ARHGAP35: variants seen among roughly 807,000 people sequenced by gnomAD.
The protein encoded by ARHGAP35 is rho GTPase-activating protein 35.
Under a neutral mutation model 111.1 loss-of-function variants are expected in ARHGAP35, and 15 were observed. That is an observed-to-expected ratio of 0.13 (90% CI 0.09 to 0.21). The LOEUF is 0.21. Among genes scored for constraint, ARHGAP35 ranks in the 10% least tolerant of loss-of-function variants. The probability of loss-of-function intolerance (pLI) is 1.00; values close to 1 mark genes in which losing one functional copy is unlikely to be tolerated. For missense variants in ARHGAP35, 1,262 were observed against 1,873.0 expected (o/e 0.67, Z 6.02); for synonymous variants, 643 against 710.3 (o/e 0.91, Z 1.51).
At chr19:46,897,189 G>A (rs549790139) in intron 1 of ARHGAP35, among the ~76,000 whole-genome samples, 19 of 151,774 alleles carry the variant, frequency 1.3e-4, no homozygotes, top group African/African-American at 3.6e-4. Context: ...GTGAGCCATC[G>A]CGCCCAGCCT....
In ARHGAP35 at chr19:46,908,673, C is replaced by T. The variant is rs1471852070; in HGVS notation, c.-188-9815C>T. Among the ~76,000 whole-genome samples the T allele has an allele frequency of 1.3e-5, 2 of 152,160 alleles. No homozygotes were observed. The highest frequency in any genetic ancestry group is 1.3e-4 in the Admixed American group (2 of 15,274). ...CTTAAGGAAGTACTTTGGCTAAAAG[C>T]GGCTCCCTTTATTCATCAGGGGAAT... On this transcript the variant is annotated intron_variant, in intron 1 of 6. Coordinates refer to ENST00000672722, the MANE Select transcript of ARHGAP35 (RefSeq NM_004491.5). This position sits in a 1 kb window ranked among gnomAD's most constrained non-coding sequence, Gnocchi z 4.2.
At chr19:46,891,259 A>G (rs1383403279) in intron 1 of ARHGAP35, among the ~76,000 whole-genome samples, 1 of 152,160 alleles carries the variant, frequency 6.6e-6, no homozygotes, top group Non-Finnish European at 1.5e-5. Context: ...TAAACCATGG[A>G]GGAATTCCCT....
intron 1 of ARHGAP35, among the ~76,000 whole-genome samples, chr19:46,887,969 T>C (rs527551010): frequency 6.6e-6 from 1 of 150,402 alleles, no homozygotes; most frequent in East Asian, 2.0e-4. Context: ...TTTTTTTTTC[T>C]GAGACGGAGT....
In ARHGAP35 at chr19:46,922,260, C is replaced by T; in HGVS notation, c.3585C>T (p.Ser1195=). The change falls in exon 2 of 7, where the codon TCC becomes TCT. Residue 1195 remains serine (S), a synonymous_variant. Transcript: ENST00000672722. The surrounding 1 kb of genome is among the most constrained non-coding windows in gnomAD (Gnocchi z 4.0). The part of the protein sequence containing the change: ...PIRKKEEDQA[S]QGYKGDNAVI... ...GGAAGAAAGAGGAGGATCAGGCATC[C>T]CAGGGTTATAAAGGGGACAATGCTG... The T allele has an allele frequency of 6.2e-7, 1 of 1,613,882 alleles. No homozygotes were observed. The highest frequency in any genetic ancestry group is 8.5e-7 in the Non-Finnish European group (1 of 1,179,870).
At position 46,999,287 on chromosome 19, in the gene ARHGAP35, G is replaced by A. The variant is rs1192214840; in HGVS notation, c.4037-17G>A. On this transcript the variant is annotated splice_polypyrimidine_tract_variant and intron_variant, in intron 5 of 6. Coordinates refer to ENST00000672722, the MANE Select transcript of ARHGAP35 (RefSeq NM_004491.5). The surrounding 1 kb of genome is among the most constrained non-coding windows in gnomAD (Gnocchi z 5.4). ...CTCGGCCATGAAAGGCAAGGCTTTGGTTTTCTCTCTCCTCAGAAATCAACG... is the reference window on the plus strand; with the variant it reads ...CTCGGCCATGAAAGGCAAGGCTTTGATTTTCTCTCTCCTCAGAAATCAACG... 1.3e-6 allele frequency: 2 copies of A among 1,551,530 alleles called. No homozygotes were observed.
Position 46,920,717 on chromosome 19 carries a change from G to A in ARHGAP35, c.2042G>A (p.Ser681Asn), listed in dbSNP as rs749337132. The A allele has an allele frequency of 3.7e-5, 60 of 1,613,652 alleles. No individual in the cohort carries two copies. The highest frequency in any genetic ancestry group is 8.3e-5 in the Admixed American group (5 of 59,946). The change falls in exon 2 of 7, where the codon AGT becomes AAT. Residue 681 changes from serine (S) to asparagine (N), a missense_variant. Ser to Asn is a conservative substitution (Grantham distance 46, BLOSUM62 1). Transcript: ENST00000672722. The surrounding 1 kb of genome is among the most constrained non-coding windows in gnomAD (Gnocchi z 7.0). ...LSYVVESIEK[S>N]RESTLGRRDN... Reference sequence around the variant, plus strand: ...TATGTAGTGGAAAGTATAGAGAAGAGTAGAGAGTCCACGCTGGGCCGGCGG... The same window carrying A: ...TATGTAGTGGAAAGTATAGAGAAGAATAGAGAGTCCACGCTGGGCCGGCGG...
At chr19:46,960,744 C>T (rs1006955837) in intron 3 of ARHGAP35, among the ~76,000 whole-genome samples, 4 of 152,232 alleles carry the variant, frequency 2.6e-5, no homozygotes, top group Middle Eastern at 3.4e-3. Flanking sequence ...ATATAATGTG[C>T]TGGGCTGCTT....
chr19:46,979,315 A>G (rs2056607350), intron 3 of ARHGAP35, among the ~76,000 whole-genome samples: 1 of 152,036 alleles, frequency 6.6e-6, no homozygotes, highest in Non-Finnish European at 1.5e-5. Flanking sequence ...TCTTGGCAGG[A>G]CGGCTCTCCC....
chr19:47,000,096 G>C lies in ARHGAP35; in HGVS notation c.4143-235G>C, dbSNP rs564747415. On this transcript the variant is annotated intron_variant, in intron 6 of 6. Coordinates refer to ENST00000672722, the MANE Select transcript of ARHGAP35 (RefSeq NM_004491.5). The surrounding 1 kb of genome is among the most constrained non-coding windows in gnomAD (Gnocchi z 6.9). ...GGTCCATCCACCCCCAGGGGTTTGC[G>C]GGGCTCCAGGCAGCCTTTCCGAGGT... Among the ~76,000 whole-genome samples the C allele has an allele frequency of 2.8e-4, 42 of 152,304 alleles. No homozygotes were observed. The highest frequency in any genetic ancestry group is 8.9e-4 in the African/African-American group (37 of 41,562).
rs1294009588 is a variant in ARHGAP35 at position 46,994,544 on chromosome 19, G to A, written c.4037-4760G>A. Among the ~76,000 whole-genome samples, 4 of 152,148 alleles carry A rather than the reference G, an allele frequency of 2.6e-5. No individual in the cohort carries two copies. Among genetic ancestry groups the A allele is most frequent in the Non-Finnish European group, 5.9e-5 (4 of 68,028 alleles). On this transcript the variant is annotated intron_variant, in intron 5 of 6. Transcript: ENST00000672722. This position sits in a 1 kb window ranked among gnomAD's most constrained non-coding sequence, Gnocchi z 5.4. ...GGAGCGGGATAGCCCAGTCAGCACC[G>A]TGCTCAGCAAGTAGCAGCCAGCCAG...
chr19:46,889,750 CAAAAAAA>C (rs5828291), intron 1 of ARHGAP35, among the ~76,000 whole-genome samples: 3 of 85,238 alleles, frequency 3.5e-5, no homozygotes, highest in Non-Finnish European at 6.5e-5. Flanking sequence ...GACTCCGTCT[CAAAAAAA>C]AAAAAAAAAA....
chr19:46,944,128 T>C (rs183186739), intron 3 of ARHGAP35, among the ~76,000 whole-genome samples: 18 of 152,108 alleles, frequency 1.2e-4, no homozygotes, highest in African/African-American at 3.9e-4. Context: ...GGTAAAATCC[T>C]GTCTCTACCA....
chr19:46,922,553 A>G lies in ARHGAP35; in HGVS notation c.3681+197A>G, dbSNP rs988819975. 1.3e-5 allele frequency among the ~76,000 whole-genome samples: 2 copies of G among 152,152 alleles called. No homozygotes were observed. Among genetic ancestry groups the G allele is most frequent in the Non-Finnish European group, 2.9e-5 (2 of 68,026 alleles). ...CTCTCAAGTAGTTAGGACTTTGGAT[A>G]GATAGTCTGAGTTGTTGTTGCCTAA... On this transcript the variant is annotated intron_variant, in intron 2 of 6. Transcript: ENST00000672722. This position sits in a 1 kb window ranked among gnomAD's most constrained non-coding sequence, Gnocchi z 4.0.
In ARHGAP35 at chr19:46,945,410, T is replaced by A. The variant is rs995632215; in HGVS notation, c.3826+8002T>A. On this transcript the variant is annotated intron_variant, in intron 3 of 6. Coordinates refer to ENST00000672722, the MANE Select transcript of ARHGAP35 (RefSeq NM_004491.5). The surrounding 1 kb of genome is among the most constrained non-coding windows in gnomAD (Gnocchi z 4.1). ...AGAATTATTCAATTCAGTGTACCTC[T>A]CTGGAATGGGGCAAGAGGTTACTTT... is the stretch of plus-strand genomic sequence containing the variant. Among the ~76,000 whole-genome samples the A allele has an allele frequency of 2.0e-5, 3 of 152,138 alleles. No individual in the cohort carries two copies. Among genetic ancestry groups the A allele is most frequent in the African/African-American group, 4.8e-5 (2 of 41,434 alleles).
intron 1 of ARHGAP35, among the ~76,000 whole-genome samples, chr19:46,882,050 G>C (rs549666650): frequency 2.0e-5 from 3 of 152,218 alleles, no homozygotes; most frequent in African/African-American, 7.2e-5. Flanking sequence ...AAGAGAGTTA[G>C]GGTCTTGCTC....
At chr19:46,934,210 C>A (rs991165391) in intron 2 of ARHGAP35, among the ~76,000 whole-genome samples, 1 of 152,266 alleles carries the variant, frequency 6.6e-6, no homozygotes, top group East Asian at 1.9e-4. Flanking sequence ...GTATAGCTAA[C>A]CTTTTAAACT....
At chr19:46,891,183 A>G (rs1349607968) in intron 1 of ARHGAP35, among the ~76,000 whole-genome samples, 2 of 152,188 alleles carry the variant, frequency 1.3e-5, no homozygotes, top group African/African-American at 2.4e-5. Flanking sequence ...CCCGCCCTCC[A>G]GGACTTCTGC....
chr19:47,004,059 G>C lies in ARHGAP35; in HGVS notation c.*3371G>C, dbSNP rs994215561. Reference sequence around the variant, plus strand: ...GCCACTGCTTTGGGGGCGCCGGCTAGAAAAAGTAGGGTGCGGTGGCCAGGA... The same window carrying C: ...GCCACTGCTTTGGGGGCGCCGGCTACAAAAAGTAGGGTGCGGTGGCCAGGA... On this transcript the variant is annotated 3_prime_UTR_variant, in exon 7 of 7. Coordinates refer to ENST00000672722, the MANE Select transcript of ARHGAP35 (RefSeq NM_004491.5). 1.3e-5 allele frequency: 2 copies of C among 152,258 alleles called. No homozygotes were observed. Among genetic ancestry groups the C allele is most frequent in the African/African-American group, 4.8e-5 (2 of 41,458 alleles). The allele number at this position is 152,258 out of a possible 1,614,324, so 9.4% of individuals were successfully genotyped here.
intron 3 of ARHGAP35, among the ~76,000 whole-genome samples, chr19:46,958,384 C>CA (rs796810574): frequency 0.026 from 1,995 of 75,470 alleles, 13 homozygotes; most frequent in Admixed American, 0.031. Context: ...GACTCCGTCT[C>CA]AAAAAAAAAA....
Sources: allele counts gnomAD v4.1 joint callset (sites outside exome capture counted in the v4.1 genomes callset), GRCh38; gene constraint gnomAD v4.1.1; non-coding constraint Gnocchi (gnomAD v3.1); transcripts MANE v1.5; gene names NCBI Gene and HGNC (gene_info 2026-07-23, HGNC 2026-07-21).